Variants in CAMKMT observed in about 807,000 individuals in gnomAD.
CAMKMT encodes the protein calmodulin-lysine N-methyltransferase, also known as CaM KMT.
A neutral mutation model predicts 48.0 loss-of-function variants in CAMKMT; 53 were observed. The ratio of observed to expected loss-of-function variants is 1.10; its 90% CI spans 0.89 to 1.39. CAMKMT has a LOEUF of 1.39. CAMKMT is among the 40% of genes most tolerant of loss of function. CAMKMT has a pLI of 0.00. For missense variants in CAMKMT, 428 were observed against 402.7 expected, an observed-to-expected ratio of 1.06 and a Z score of -0.54; for synonymous variants, 165 against 152.3, an observed-to-expected ratio of 1.08 and a Z score of -0.61.
intron 3 of CAMKMT, among the ~76,000 whole-genome samples, chr2:44,556,856 T>TCC (rs2103675297): frequency 6.6e-6 from 1 of 151,580 alleles, no homozygotes; most frequent in South Asian, 2.1e-4. Context: ...AGCAGGAGGA[T>TCC]CCCTTGAACC....
At chr2:44,557,089 T>C (rs1668055377) in intron 3 of CAMKMT, among the ~76,000 whole-genome samples, 1 of 152,238 alleles carries the variant, frequency 6.6e-6, no homozygotes, top group African/African-American at 2.4e-5. Context: ...GCCTTGTTTA[T>C]TAACTTTTCT....
chr2:44,409,211 A>C, intron 3 of CAMKMT, among the ~76,000 whole-genome samples: 4 of 148,480 alleles, frequency 2.7e-5, no homozygotes, highest in Non-Finnish European at 4.5e-5. Flanking sequence ...ACAACTAGCC[A>C]AAATTCAACG....
intron 3 of CAMKMT, among the ~76,000 whole-genome samples, chr2:44,432,516 G>C (rs1269968801): frequency 6.6e-6 from 1 of 152,202 alleles, no homozygotes; most frequent in Non-Finnish European, 1.5e-5. Context: ...TCTTGCAGCT[G>C]TCAAAGAGTG....
At position 44,437,595 on chromosome 2, in the gene CAMKMT, C is replaced by A. The variant is rs867750649; in HGVS notation, c.376+47290C>A. Among the ~76,000 whole-genome samples the A allele has an allele frequency of 2.0e-5, 3 of 152,120 alleles. No homozygotes were observed. In the South Asian group the frequency reaches 6.2e-4, roughly 32 times the overall value. Reference sequence around the variant, plus strand: ...GATCACAGTGGCTCACGCCTGTAATCCCAGCACTTTGGGAGGCTGAGGTGG... The same window carrying A: ...GATCACAGTGGCTCACGCCTGTAATACCAGCACTTTGGGAGGCTGAGGTGG... On this transcript the variant is annotated intron_variant, in intron 3 of 10. Coordinates refer to ENST00000378494, the MANE Select transcript of CAMKMT (RefSeq NM_024766.5).
chr2:44,505,381 A>G (rs1475252081), intron 3 of CAMKMT, among the ~76,000 whole-genome samples: 1 of 152,168 alleles, frequency 6.6e-6, no homozygotes, highest in Non-Finnish European at 1.5e-5. Flanking sequence ...TGCTGAGCAA[A>G]GGCTTTTAGT....
chr2:44,532,195 T>C (rs1460694875), intron 3 of CAMKMT, among the ~76,000 whole-genome samples: 1 of 152,204 alleles, frequency 6.6e-6, no homozygotes. Flanking sequence ...GCTATTTGCT[T>C]TTAAAGTGTC....
chr2:44,770,468 A>G (rs1454599847), intron 10 of CAMKMT, among the ~76,000 whole-genome samples: 1 of 152,268 alleles, frequency 6.6e-6, no homozygotes, highest in Non-Finnish European at 1.5e-5. Flanking sequence ...GGGACTTTAT[A>G]AAGAGCTCAT....
At chr2:44,627,298 G>C (rs1672536386) in intron 3 of CAMKMT, among the ~76,000 whole-genome samples, 1 of 151,982 alleles carries the variant, frequency 6.6e-6, no homozygotes, top group East Asian at 1.9e-4. Flanking sequence ...TTTTATTAAG[G>C]GTGGTGTCAT....
chr2:44,568,935 G>A (rs1448856228), intron 3 of CAMKMT, among the ~76,000 whole-genome samples: 1 of 152,114 alleles, frequency 6.6e-6, no homozygotes, highest in East Asian at 1.9e-4. Flanking sequence ...AAGTTACAAG[G>A]GTCAAGTCTT....
intron 3 of CAMKMT, among the ~76,000 whole-genome samples, chr2:44,599,201 GA>G (rs1407379272): frequency 6.6e-6 from 1 of 152,086 alleles, no homozygotes; most frequent in Non-Finnish European, 1.5e-5. Context: ...AACTTTGTTA[GA>G]AATTTCTGTT....
chr2:44,508,350 G>A (rs556029964), intron 3 of CAMKMT, among the ~76,000 whole-genome samples: 2 of 152,286 alleles, frequency 1.3e-5, no homozygotes, highest in African/African-American at 2.4e-5. Context: ...AGCACCTTAG[G>A]TTTATCTGGT....
chr2:44,510,811 A>G (rs756815081), intron 3 of CAMKMT, among the ~76,000 whole-genome samples: 23 of 150,118 alleles, frequency 1.5e-4, no homozygotes, highest in Non-Finnish European at 2.7e-4. Flanking sequence ...CTCCCTGTCA[A>G]CCTTCCTCCT....
intron 3 of CAMKMT, among the ~76,000 whole-genome samples, chr2:44,544,212 A>G (rs749273973): frequency 5.3e-5 from 8 of 152,104 alleles, no homozygotes; most frequent in African/African-American, 9.7e-5. Context: ...TCCTGTGTCA[A>G]TGATTATTTC....
intron 3 of CAMKMT, among the ~76,000 whole-genome samples, chr2:44,426,747 C>T (rs1048380848): frequency 2.0e-5 from 3 of 152,134 alleles, no homozygotes; most frequent in Non-Finnish European, 4.4e-5. Flanking sequence ...GCCCATACTG[C>T]CCAAAGCAAT....
At chr2:44,623,204 T>G (rs1282602217) in intron 3 of CAMKMT, among the ~76,000 whole-genome samples, 2 of 152,144 alleles carry the variant, frequency 1.3e-5, no homozygotes, top group African/African-American at 4.8e-5. Flanking sequence ...TGAATTAAGC[T>G]CCTTATAGAT....
At chr2:44,547,301 A>C (rs1031263294) in intron 3 of CAMKMT, among the ~76,000 whole-genome samples, 3 of 152,186 alleles carry the variant, frequency 2.0e-5, no homozygotes, top group African/African-American at 7.2e-5. Context: ...TTGGAAAGAC[A>C]GTACCTCAGC....
chr2:44,697,768 G>A lies in CAMKMT; in HGVS notation c.377-6515G>A, dbSNP rs1237481374. 4.6e-5 allele frequency among the ~76,000 whole-genome samples: 7 copies of A among 152,074 alleles called. No individual in the cohort carries two copies. The South Asian group carries it at 1.5e-3, about 32-fold the overall frequency. The stretch of plus-strand genomic sequence containing the variant: ...GGCACACATATGTGATGTGGGAAGA[G>A]GAATAGAGATAAAAGCAAAAAATGC... On this transcript the variant is annotated intron_variant, in intron 3 of 10. Transcript: ENST00000378494.
chr2:44,666,757 G>A (rs976448986), intron 3 of CAMKMT, among the ~76,000 whole-genome samples: 1 of 152,050 alleles, frequency 6.6e-6, no homozygotes, highest in East Asian at 1.9e-4. Context: ...GTACAGGCGC[G>A]AGCCGCCATG....
intron 3 of CAMKMT, among the ~76,000 whole-genome samples, chr2:44,652,861 C>A (rs1014185609): frequency 1.3e-5 from 2 of 152,142 alleles, no homozygotes; most frequent in Non-Finnish European, 2.9e-5. Context: ...TGCAGCCTGC[C>A]CTCAGTTATT....
Sources: gnomAD v4.1 joint callset for allele counts (sites outside exome capture counted in the v4.1 genomes callset) on GRCh38, gnomAD v4.1.1 for gene constraint, MANE v1.5 for transcripts, NCBI Gene and HGNC (gene_info 2026-07-23, HGNC 2026-07-21) for gene names.